DPH6: variants seen among roughly 807,000 people sequenced by gnomAD.
The protein encoded by DPH6 is diphthine--ammonia ligase.
A neutral mutation model predicts 38.2 loss-of-function variants in DPH6; 33 were observed. The ratio of observed to expected loss-of-function variants is 0.86; its 90% CI spans 0.65 to 1.15. The LOEUF (loss-of-function observed/expected upper bound fraction) is 1.15. DPH6 is among the 50% of genes most tolerant of loss of function. DPH6 has a pLI of 0.00. For missense variants in DPH6, 325 were observed against 320.0 expected, an observed-to-expected ratio of 1.02 and a Z score of -0.12; for synonymous variants, 108 against 103.0, an observed-to-expected ratio of 1.05 and a Z score of -0.30.
At chr15:35,380,490 T>C (rs1403427716) in intron 7 of DPH6, among the ~76,000 whole-genome samples, 1 of 152,210 alleles carries the variant, frequency 6.6e-6, no homozygotes, top group Non-Finnish European at 1.5e-5. Flanking sequence ...GACCTCAATT[T>C]TTCTGGCAAA....
intron 7 of DPH6, among the ~76,000 whole-genome samples, chr15:35,379,076 G>C (rs1307943229): frequency 6.6e-6 from 1 of 152,144 alleles, no homozygotes; most frequent in Non-Finnish European, 1.5e-5. Flanking sequence ...CTAGCTTGTA[G>C]AAGCTTCCCA....
chr15:35,305,467 T>A (rs189792256), intron 3 of DPH6, among the ~76,000 whole-genome samples: 139 of 152,146 alleles, frequency 9.1e-4, no homozygotes, highest in Non-Finnish European at 1.1e-3. Flanking sequence ...CCACTTTAGT[T>A]TTCAGTTTTA....
intron 7 of DPH6, among the ~76,000 whole-genome samples, chr15:35,376,153 G>A (rs775617005): frequency 2.0e-5 from 3 of 151,824 alleles, no homozygotes; most frequent in Non-Finnish European, 2.9e-5. Flanking sequence ...GCCTTTCTTC[G>A]GGGAGAGGAA....
At chr15:35,475,171 G>A (rs534565636) in intron 3 of DPH6, among the ~76,000 whole-genome samples, 10 of 152,062 alleles carry the variant, frequency 6.6e-5, no homozygotes, top group Admixed American at 1.3e-4. Flanking sequence ...GAGAGAGGAA[G>A]GAGAGTAAGA....
At chr15:35,326,889 A>AC (rs549050048), downstream of DPH6, among the ~76,000 whole-genome samples, 17 of 152,196 alleles carry the variant, frequency 1.1e-4, no homozygotes, top group Non-Finnish European at 2.1e-4. Context: ...CAGTAAGAAA[A>AC]ACTAAAGAAG....
At chr15:35,255,423 A>T (rs1291123243) in intron 3 of DPH6, among the ~76,000 whole-genome samples, 2 of 152,226 alleles carry the variant, frequency 1.3e-5, no homozygotes, top group African/African-American at 4.8e-5. Flanking sequence ...GTCTCATGAT[A>T]AATGGTCTAA....
chr15:35,375,546 C>A (rs1488087225), intron 7 of DPH6, among the ~76,000 whole-genome samples: 1 of 152,138 alleles, frequency 6.6e-6, no homozygotes, highest in Admixed American at 6.6e-5. Context: ...AGAATATCCT[C>A]AGATTAATCC....
chr15:35,521,774 T>G (rs2054926156), intron 3 of DPH6: 3 of 1,235,154 alleles, frequency 2.4e-6, no homozygotes, highest in African/African-American at 3.1e-5. Context: ...GATGCAACAT[T>G]GTTGATTCAT....
intron 3 of DPH6, among the ~76,000 whole-genome samples, chr15:35,278,618 T>A (rs1161688999): frequency 6.6e-6 from 1 of 152,150 alleles, no homozygotes; most frequent in East Asian, 1.9e-4. Flanking sequence ...GCAGCTTGCA[T>A]CCTCAGTCTG....
intron 3 of DPH6, among the ~76,000 whole-genome samples, chr15:35,337,996 G>A (rs1183124979): frequency 2.6e-5 from 4 of 151,842 alleles, no homozygotes; most frequent in South Asian, 4.2e-4. Context: ...AGCTGAAACC[G>A]GATCCCTTCC....
chr15:35,265,179 A>G (rs2051775376), intron 3 of DPH6, among the ~76,000 whole-genome samples: 1 of 152,146 alleles, frequency 6.6e-6, no homozygotes, highest in Admixed American at 6.6e-5. Flanking sequence ...AATAACTTCA[A>G]ATCAAATCTA....
intron 3 of DPH6, among the ~76,000 whole-genome samples, chr15:35,508,040 C>T (rs2054718770): frequency 6.6e-6 from 1 of 151,976 alleles, no homozygotes; most frequent in Admixed American, 6.6e-5. Flanking sequence ...GTATTTTCTG[C>T]CTCAAGAATG....
At chr15:35,426,124 T>C (rs1449713461) in intron 5 of DPH6, among the ~76,000 whole-genome samples, 1 of 151,524 alleles carries the variant, frequency 6.6e-6, no homozygotes, top group African/African-American at 2.4e-5. Context: ...TCTTTTTTTT[T>C]CTTAAGTTGA....
At chr15:35,219,704 A>G (rs1418335981) in exon 4 of DPH6, 2 of 152,194 alleles carry the variant, frequency 1.3e-5, no homozygotes, top group Non-Finnish European at 2.9e-5. Flanking sequence ...GCTAAGTCAT[A>G]ACAAGTACAT....
At chr15:35,515,740 A>AAAAAAG (rs2054837816) in intron 3 of DPH6, among the ~76,000 whole-genome samples, 1 of 150,716 alleles carries the variant, frequency 6.6e-6, no homozygotes, top group Non-Finnish European at 1.5e-5. Flanking sequence ...AAAAAAAAAA[A>AAAAAAG]AAAAAAATTA....
intron 3 of DPH6, among the ~76,000 whole-genome samples, chr15:35,361,062 C>T (rs2052610142): frequency 6.6e-6 from 1 of 152,148 alleles, no homozygotes; most frequent in Non-Finnish European, 1.5e-5. Flanking sequence ...CCCATGTGCC[C>T]TGACAAATGG....
chr15:35,440,400 A>G (rs552994126), intron 5 of DPH6, among the ~76,000 whole-genome samples: 156 of 152,260 alleles, frequency 1.0e-3, no homozygotes, highest in African/African-American at 3.7e-3. Flanking sequence ...CATGTTTTCT[A>G]ATAACCAGGT....
chr15:35,147,349 A>G, the DPH6 span, among the ~76,000 whole-genome samples: 3 of 152,200 alleles, frequency 2.0e-5, no homozygotes, highest in South Asian at 4.1e-4. Flanking sequence ...TATATATTTC[A>G]TCATTTATTT....
At chr15:35,284,564 T>A (rs2051926828) in intron 3 of DPH6, among the ~76,000 whole-genome samples, 1 of 150,622 alleles carries the variant, frequency 6.6e-6, no homozygotes, top group Admixed American at 6.6e-5. Flanking sequence ...ACAATATAAA[T>A]TATATATATA....
Sources: gnomAD v4.1 joint callset for allele counts (sites outside exome capture counted in the v4.1 genomes callset) on GRCh38, gnomAD v4.1.1 for gene constraint, MANE v1.5 for transcripts, NCBI Gene and HGNC (gene_info 2026-07-23, HGNC 2026-07-21) for gene names.